ZNF19: variants seen among roughly 807,000 people sequenced by gnomAD.
ZNF19 encodes zinc finger protein 19.
In ZNF19, 11 loss-of-function variants were observed where a neutral mutation model predicts 13.1. The observed-to-expected ratio is 0.84, with a 90% CI of 0.53 to 1.39. ZNF19 has a LOEUF of 1.39. Ranked by LOEUF, ZNF19 falls within the 40% of genes most tolerant of loss-of-function variation. ZNF19 has a pLI of 0.00. For synonymous variants in ZNF19, 186 were observed against 187.0 expected (o/e 0.99, Z 0.04); for missense variants, 560 against 547.0 (o/e 1.02, Z -0.24).
intron 1 of ZNF19, 34 bp downstream of exon 1, chr16:71,489,238 C>G (rs1221349487): frequency 1.0e-6 from 1 of 985,440 alleles, no homozygotes; most frequent in Non-Finnish European, 1.2e-6. Flanking sequence ...CCAACCCAAG[C>G]TCCGCCCAAC....
Position 71,474,785 on chromosome 16 carries a change from A to G in ZNF19, c.*385T>C, listed in dbSNP as rs1422932130. 5.9e-6 allele frequency: 1 copy of G among 168,350 alleles called. No homozygotes were observed. Among genetic ancestry groups the G allele is most frequent in the Admixed American group, 6.0e-5 (1 of 16,802 alleles). 10.4% of individuals were successfully genotyped at this position (168,350 alleles called of 1,614,324 possible). A position where few individuals can be genotyped will look rare whatever the true frequency, so the allele number is the denominator to read the frequency against. ...AACCAACCAAACAAAAATGGAATTTATTGGCTGCTGCAATTCAAAAACCCG... is the reference window on the plus strand; with the variant it reads ...AACCAACCAAACAAAAATGGAATTTGTTGGCTGCTGCAATTCAAAAACCCG... On this transcript the variant is annotated 3_prime_UTR_variant, in exon 6 of 6. Transcript: ENST00000288177.
intron 3 of ZNF19, among the ~76,000 whole-genome samples, chr16:71,480,417 T>A (rs1281905931): frequency 2.0e-5 from 3 of 152,118 alleles, no homozygotes; most frequent in Non-Finnish European, 2.9e-5. Flanking sequence ...GTGACAATAT[T>A]TTTCCCTCTC....
intron 4 of ZNF19, 155 bp downstream of exon 4, chr16:71,478,724 G>T: frequency 9.4e-7 from 1 of 1,059,046 alleles, no homozygotes. Flanking sequence ...AGCAATCTTT[G>T]AAGTTGGTCA....
intron 4 of ZNF19, 136 bp downstream of exon 4, chr16:71,478,743 C>G: frequency 1.5e-6 from 2 of 1,292,570 alleles, no homozygotes; most frequent in East Asian, 2.3e-5. Flanking sequence ...CACTGAGCCT[C>G]AGCTCTGCAG....
intron 1 of ZNF19, among the ~76,000 whole-genome samples, chr16:71,485,488 A>C (rs1460426807): frequency 1.3e-5 from 2 of 151,732 alleles, no homozygotes; most frequent in African/African-American, 4.8e-5. Flanking sequence ...AAAAAACAAA[A>C]AGAAAGAAAG....
chr16:71,478,991 G>A lies in ZNF19; in HGVS notation c.48C>T (p.Phe16=), dbSNP rs966653310. ...TGGTGAAGTGCACAGCCACATCCTC[G>A]AAGGTCACCATCTCCTAAAACAACA... ...LKAQYQEMVT[F]EDVAVHFTKT... The change falls in exon 4 of 6, where the codon TTC becomes TTT. Residue 16 remains phenylalanine, a synonymous_variant. Coordinates refer to ENST00000288177, the MANE Select transcript of ZNF19 (RefSeq NM_006961.4). The A allele has an allele frequency of 1.2e-5, 19 of 1,614,066 alleles. No homozygotes were observed. Among genetic ancestry groups the A allele is most frequent in the South Asian group, 4.4e-5 (4 of 91,082 alleles).
intron 4 of ZNF19, 43 bp from the exon 5 acceptor site, chr16:71,478,384 C>A: frequency 1.4e-6 from 2 of 1,444,628 alleles, no homozygotes; most frequent in Non-Finnish European, 1.9e-6. Flanking sequence ...CCTGTATCTG[C>A]TGTGTCAAAA....
At chr16:71,478,808 C>G (rs1051699800) in intron 4 of ZNF19, 71 bp downstream of exon 4, 5 of 1,575,252 alleles carry the variant, frequency 3.2e-6, no homozygotes, top group Non-Finnish European at 3.5e-6. Flanking sequence ...ACACTCCTCC[C>G]CCCAGGCTGT....
intron 4 of ZNF19, chr16:71,478,594 C>T (rs998311987): frequency 7.4e-6 from 5 of 672,842 alleles, no homozygotes; most frequent in African/African-American, 1.8e-5. Flanking sequence ...CTTCCCCAGA[C>T]AACAACTACT....
chr16:71,475,323 A>G lies in ZNF19; in HGVS notation c.1224T>C (p.Thr408=). ...TGCTACACTCATAGGGTTTCTCTCC[A>G]GTATGGATTCTTTGATGCTGATGAA... ...RNLHQHQRIH[T]GEKPYECSKY... is the part of the protein sequence containing the mutation. The change falls in exon 6 of 6, where the codon ACT becomes ACC. Residue 408 remains threonine (T), a synonymous_variant. Coordinates refer to ENST00000288177, the MANE Select transcript of ZNF19 (RefSeq NM_006961.4). The G allele has an allele frequency of 1.2e-6, 2 of 1,614,192 alleles. No individual in the cohort carries two copies. The highest frequency in any genetic ancestry group is 2.2e-5 in the South Asian group (2 of 91,076).
intron 5 of ZNF19, 133 bp downstream of exon 5, chr16:71,478,095 T>C: frequency 1.6e-6 from 1 of 638,002 alleles, no homozygotes; most frequent in Non-Finnish European, 2.8e-6. Context: ...TTAAGATTGG[T>C]GAGAAACGTT....
rs779468161 is a variant in ZNF19, at chr16:71,478,909, A to G, written c.130T>C (p.Leu44=). Reference sequence around the variant, plus strand: ...GCAGTCAGGTTCCCAAAATTCTCCAACATCACACTTCTGTACAGGGCCCTC... The same window carrying G: ...GCAGTCAGGTTCCCAAAATTCTCCAGCATCACACTTCTGTACAGGGCCCTC... The part of the protein sequence containing the change: ...AQRALYRSVM[L]ENFGNLTALG... Residue 44 remains leucine, a synonymous_variant, in exon 4 of 6, where the codon TTG becomes CTG. Transcript: ENST00000288177. 11 of 1,614,160 alleles carry G rather than the reference A, an allele frequency of 6.8e-6. No homozygotes were observed. The Admixed American group carries it at 1.3e-4, about 20-fold the overall frequency.
At position 71,473,679 on chromosome 16, in the gene ZNF19, G is replaced by A. The variant is rs1038067144; in HGVS notation, c.*1491C>T. The A allele has an allele frequency of 5.3e-4, 81 of 152,216 alleles. No homozygotes were observed. Among genetic ancestry groups the A allele is most frequent in the African/African-American group, 1.9e-3 (77 of 41,530 alleles). 9.4% of individuals were successfully genotyped at this position (152,216 alleles called of 1,614,324 possible). ...GGCTCACTACAACCTCCGCCTCCCG[G>A]GTTCAAGCAATTCGCCTGCCCCAGC... On this transcript the variant is annotated 3_prime_UTR_variant, in exon 6 of 6. Coordinates refer to ENST00000288177, the MANE Select transcript of ZNF19 (RefSeq NM_006961.4).
intron 2 of ZNF19, 91 bp downstream of exon 2, chr16:71,484,498 T>C (rs933115158): frequency 3.0e-6 from 3 of 984,068 alleles, no homozygotes; most frequent in Non-Finnish European, 3.6e-6. Context: ...CTCCCTCCAC[T>C]GAGGCAGCAG....
intron 2 of ZNF19, among the ~76,000 whole-genome samples, 197 bp downstream of exon 2, chr16:71,484,392 C>A (rs1311145347): frequency 2.0e-5 from 3 of 152,222 alleles, no homozygotes; most frequent in African/African-American, 7.2e-5. Context: ...TTTCCCAAGG[C>A]GCCGATGCAG....
At chr16:71,484,840 A>G in intron 1 of ZNF19, 92 bp from the exon 2 acceptor site, 2 of 527,662 alleles carry the variant, frequency 3.8e-6, no homozygotes, top group South Asian at 1.7e-4. Context: ...CTACTGTAGT[A>G]TCAGCCGTAT....
In ZNF19 at chr16:71,486,570, GATTCTCTCCTTAGTCTA is replaced by G. The variant is rs1201014530; in HGVS notation, c.-189-1839_-189-1823del. Among the ~76,000 whole-genome samples, 4 of 152,126 alleles carry G rather than the reference GATTCTCTCCTTAGTCTA, an allele frequency of 2.6e-5. No individual in the cohort carries two copies. The East Asian group carries it at 7.7e-4, about 29-fold the overall frequency. ...AGAAGATGAAAAAGGCAAGGAAACA[GATTCTCTCCTTAGTCTA>G]AATCCTGAATTTATACCAGTGGGAC... On this transcript the variant is annotated intron_variant, in intron 1 of 5. Coordinates refer to ENST00000288177, the MANE Select transcript of ZNF19 (RefSeq NM_006961.4).
At chr16:71,486,858 G>A (rs762110943) in intron 1 of ZNF19, among the ~76,000 whole-genome samples, 4 of 151,982 alleles carry the variant, frequency 2.6e-5, no homozygotes, top group Non-Finnish European at 4.4e-5. Flanking sequence ...TAATTTTATC[G>A]GTTTTTAGAA....
chr16:71,480,357 A>G (rs1285475521), intron 3 of ZNF19, among the ~76,000 whole-genome samples: 2 of 152,042 alleles, frequency 1.3e-5, no homozygotes, highest in African/African-American at 4.8e-5. Context: ...CCCCAAACTC[A>G]TCTTCCCCAA....
Sources: allele counts gnomAD v4.1 joint callset (sites outside exome capture counted in the v4.1 genomes callset), GRCh38; gene constraint gnomAD v4.1.1; transcripts MANE v1.5; gene names NCBI Gene and HGNC (gene_info 2026-07-23, HGNC 2026-07-21).